The following SND1 variants were observed in gnomAD, a reference collection of about 807,000 sequenced individuals.
SND1 encodes the protein staphylococcal nuclease and tudor domain containing 1.
In SND1, 38 loss-of-function variants were observed where a neutral mutation model predicts 121.7. That is an observed-to-expected ratio of 0.31 (90% CI 0.24 to 0.41). The LOEUF (loss-of-function observed/expected upper bound fraction) is 0.41. SND1 is among the 10% of genes least tolerant of loss of function. SND1 has a pLI of 1.00. For synonymous variants in SND1, 401 were observed against 447.4 expected, an observed-to-expected ratio of 0.90 and a Z score of 1.31; for missense variants, 868 against 1,184.6, an observed-to-expected ratio of 0.73 and a Z score of 3.92.
chr7:128,024,446 C>A (rs1393765512), intron 16 of SND1, among the ~76,000 whole-genome samples: 1 of 152,176 alleles, frequency 6.6e-6, no homozygotes, highest in African/African-American at 2.4e-5. Context: ...AATGATGGAG[C>A]CTTAATTATA....
chr7:127,841,757 G>A (rs886937496), intron 11 of SND1, among the ~76,000 whole-genome samples: 1 of 152,040 alleles, frequency 6.6e-6, no homozygotes, highest in South Asian at 2.1e-4. Context: ...TTTTGTTGGA[G>A]GGCACTAGTT....
chr7:127,715,339 C>CT (rs1796368404), intron 9 of SND1, among the ~76,000 whole-genome samples: 1 of 152,032 alleles, frequency 6.6e-6, no homozygotes, highest in Non-Finnish European at 1.5e-5. Context: ...GAAATTTCAA[C>CT]TTTTCTTTTA....
intron 15 of SND1, among the ~76,000 whole-genome samples, chr7:127,948,119 A>G (rs1325481458): frequency 6.6e-6 from 1 of 152,206 alleles, no homozygotes; most frequent in Admixed American, 6.5e-5. Context: ...GATAATGGAA[A>G]GTTTAGTGAA....
At chr7:127,894,895 C>A (rs1800087574) in intron 13 of SND1, among the ~76,000 whole-genome samples, 1 of 151,742 alleles carries the variant, frequency 6.6e-6, no homozygotes, top group African/African-American at 2.4e-5. Flanking sequence ...TAGACTCAAC[C>A]CTTTACAAAG....
intron 11 of SND1, among the ~76,000 whole-genome samples, chr7:127,825,917 C>T (rs1798635048): frequency 6.6e-6 from 1 of 151,948 alleles, no homozygotes; most frequent in African/African-American, 2.4e-5. Context: ...GGAGGCCGGG[C>T]GTGGTGGCTC....
At chr7:127,817,412 C>T (rs1023430226) in intron 11 of SND1, among the ~76,000 whole-genome samples, 1 of 152,074 alleles carries the variant, frequency 6.6e-6, no homozygotes, top group Non-Finnish European at 1.5e-5. Context: ...TATAGACTTG[C>T]CCTGTTTCTT....
chr7:127,995,013 G>A (rs971650757), intron 16 of SND1, among the ~76,000 whole-genome samples: 6 of 152,106 alleles, frequency 3.9e-5, no homozygotes, highest in Admixed American at 2.6e-4. Context: ...TGAGCCAACC[G>A]CGCCTGGCCT....
At chr7:127,985,447 G>A (rs1012986732) in intron 15 of SND1, among the ~76,000 whole-genome samples, 4 of 152,090 alleles carry the variant, frequency 2.6e-5, no homozygotes, top group East Asian at 1.9e-4. Context: ...TAGTAGAGGC[G>A]GGGTTTCACC....
intron 15 of SND1, among the ~76,000 whole-genome samples, chr7:127,945,582 T>C (rs975286877): frequency 6.6e-6 from 1 of 152,084 alleles, no homozygotes; most frequent in Non-Finnish European, 1.5e-5. Context: ...TGCAATCACA[T>C]ACGGAACCAA....
intron 16 of SND1, chr7:127,997,407 A>C (rs1489161883): frequency 3.2e-6 from 1 of 308,224 alleles, no homozygotes; most frequent in Non-Finnish European, 6.3e-6. Flanking sequence ...CCAAGACTGC[A>C]GAGGAATTTG....
chr7:127,914,481 G>A (rs1211210047), intron 14 of SND1, among the ~76,000 whole-genome samples: 2 of 152,116 alleles, frequency 1.3e-5, no homozygotes, highest in African/African-American at 4.8e-5. Flanking sequence ...TTTTGTGCTT[G>A]TTGATAAATT....
chr7:127,713,593 C>T (rs999117183), intron 9 of SND1, among the ~76,000 whole-genome samples: 2 of 152,148 alleles, frequency 1.3e-5, no homozygotes, highest in Non-Finnish European at 2.9e-5. Flanking sequence ...TTGTACAGGG[C>T]CCCGCTAAAA....
chr7:127,992,013 C>G (rs1398213837), intron 16 of SND1, among the ~76,000 whole-genome samples: 2 of 152,144 alleles, frequency 1.3e-5, no homozygotes, highest in African/African-American at 2.4e-5. Flanking sequence ...CTCTTTGATT[C>G]TTTACTGCTT....
chr7:127,832,375 A>C (rs1416482502), intron 11 of SND1, among the ~76,000 whole-genome samples: 1 of 152,218 alleles, frequency 6.6e-6, no homozygotes, highest in African/African-American at 2.4e-5. Flanking sequence ...TCCTGCCAAC[A>C]GTGAAAAATA....
At chr7:127,724,449 A>T (rs1796549932) in intron 10 of SND1, among the ~76,000 whole-genome samples, 1 of 152,196 alleles carries the variant, frequency 6.6e-6, no homozygotes, top group African/African-American at 2.4e-5. Context: ...GTGGTACGAA[A>T]CCACAGGCAA....
rs371499318 is a variant in SND1 at position 127,730,257 on chromosome 7, G to A, written c.1152+8857G>A. 5.3e-5 allele frequency among the ~76,000 whole-genome samples: 8 copies of A among 152,210 alleles called. No individual in the cohort carries two copies. The East Asian group carries it at 5.8e-4, about 11-fold the overall frequency. On this transcript the variant is annotated intron_variant, in intron 10 of 23. Coordinates refer to ENST00000354725, the MANE Select transcript of SND1 (RefSeq NM_014390.4). ...GCTGGGATTACAGGTGTGAGCCACC[G>A]CGCCCAGCCTGACATTGGACAGCTC...
chr7:127,682,590 C>T (rs1795747074), intron 1 of SND1, among the ~76,000 whole-genome samples: 1 of 152,230 alleles, frequency 6.6e-6, no homozygotes, highest in Non-Finnish European at 1.5e-5. Flanking sequence ...ATAATTACTG[C>T]ATCCATGAAA....
At chr7:127,753,070 A>G (rs888486691) in intron 10 of SND1, among the ~76,000 whole-genome samples, 1 of 152,210 alleles carries the variant, frequency 6.6e-6, no homozygotes, top group Non-Finnish European at 1.5e-5. Flanking sequence ...GTATTGGCCC[A>G]GTGATCTTAA....
At chr7:128,021,392 G>A (rs1803345802) in intron 16 of SND1, among the ~76,000 whole-genome samples, 1 of 152,174 alleles carries the variant, frequency 6.6e-6, no homozygotes, top group African/African-American at 2.4e-5. Flanking sequence ...CTCCTGGATG[G>A]AACTGCCTCT....
Sources: gnomAD v4.1 joint callset for allele counts (sites outside exome capture counted in the v4.1 genomes callset) on GRCh38, gnomAD v4.1.1 for gene constraint, MANE v1.5 for transcripts, NCBI Gene and HGNC (gene_info 2026-07-23, HGNC 2026-07-21) for gene names.